The following CDH13 variants were observed in gnomAD, a reference collection of about 807,000 sequenced individuals.
CDH13 encodes the protein cadherin-13.
A neutral mutation model predicts 63.8 loss-of-function variants in CDH13; 24 were observed. The ratio of observed to expected loss-of-function variants is 0.38; its 90% CI spans 0.27 to 0.53. The LOEUF (loss-of-function observed/expected upper bound fraction) is 0.53. CDH13 is among the 20% of genes least tolerant of loss of function. The probability of loss-of-function intolerance (pLI) is 0.85; values close to 1 mark genes in which losing one functional copy is unlikely to be tolerated. For synonymous variants in CDH13, 503 were observed against 355.3 expected (o/e 1.42, Z -4.67); for missense variants, 1,049 against 903.1 (o/e 1.16, Z -2.07).
At chr16:83,709,065 A>T (rs377599793) in intron 10 of CDH13, among the ~76,000 whole-genome samples, 57 of 152,316 alleles carry the variant, frequency 3.7e-4, no homozygotes, top group African/African-American at 1.3e-3. Context: ...TAAAAAATTA[A>T]AATGGAGGCA....
At chr16:83,524,950 A>G (rs569938158) in intron 7 of CDH13, among the ~76,000 whole-genome samples, 2 of 152,322 alleles carry the variant, frequency 1.3e-5, no homozygotes, top group Admixed American at 6.5e-5. Flanking sequence ...AGGTCAGTAG[A>G]CCAATGATTT....
chr16:83,133,767 G>T (rs1443919246), intron 4 of CDH13, among the ~76,000 whole-genome samples: 1 of 152,126 alleles, frequency 6.6e-6, no homozygotes, highest in Non-Finnish European at 1.5e-5. Flanking sequence ...CCAAAGTGCT[G>T]GGATTACAGG....
chr16:83,351,725 T>A lies in CDH13; in HGVS notation c.781+6719T>A, dbSNP rs79156519. On this transcript the variant is annotated intron_variant, in intron 6 of 13. Coordinates refer to ENST00000567109, the MANE Select transcript of CDH13 (RefSeq NM_001257.5). ...TGTTTGTGACAATTTCTATAGGATA[T>A]ATTTACATGAGCTGGATTAATGGGA... Among the ~76,000 whole-genome samples, 5 of 152,348 alleles carry A rather than the reference T, an allele frequency of 3.3e-5. No homozygotes were observed. In the East Asian group the frequency reaches 9.6e-4, roughly 29 times the overall value.
intron 1 of CDH13, chr16:82,825,193 C>A (rs897673778): frequency 1.3e-5 from 2 of 152,180 alleles, no homozygotes; most frequent in East Asian, 1.9e-4. Flanking sequence ...GAACTTTCTT[C>A]TTTTTCCAAG....
intron 2 of CDH13, among the ~76,000 whole-genome samples, chr16:83,030,047 C>T (rs563679545): frequency 6.6e-6 from 1 of 152,106 alleles, no homozygotes; most frequent in African/African-American, 2.4e-5. Context: ...GCAGAATCAC[C>T]ATTGAGGGGA....
At chr16:83,081,707 AAG>A (rs538993379) in intron 3 of CDH13, among the ~76,000 whole-genome samples, 1 of 150,654 alleles carries the variant, frequency 6.6e-6, no homozygotes, top group South Asian at 2.1e-4. Flanking sequence ...GAGAGAGAGA[AAG>A]AGAGAGAGAG....
chr16:83,130,818 A>G (rs1597387766), intron 4 of CDH13, among the ~76,000 whole-genome samples: 1 of 152,152 alleles, frequency 6.6e-6, no homozygotes, highest in African/African-American at 2.4e-5. Flanking sequence ...TTTTGGTCAT[A>G]TTTTATTACA....
intron 11 of CDH13, among the ~76,000 whole-genome samples, chr16:83,775,736 AAAAG>A (rs1228593095): frequency 2.0e-5 from 3 of 152,096 alleles, no homozygotes; most frequent in Non-Finnish European, 2.9e-5. Context: ...AAAAAAAGAA[AAAAG>A]AAAGAAGTAA....
At chr16:82,731,003 A>G (rs10438615) in intron 1 of CDH13, among the ~76,000 whole-genome samples, 53,133 of 151,868 alleles carry the variant, frequency 0.35, 9,852 homozygotes, top group South Asian at 0.47. Flanking sequence ...ATTTAGTCCT[A>G]TTATTTATGT....
At chr16:83,568,775 C>T (rs1407020421) in intron 7 of CDH13, among the ~76,000 whole-genome samples, 1 of 152,158 alleles carries the variant, frequency 6.6e-6, no homozygotes, top group African/African-American at 2.4e-5. Flanking sequence ...CTCCCTCAGT[C>T]CCAGTTCCTC....
chr16:82,861,898 C>G (rs1004001917), intron 2 of CDH13, among the ~76,000 whole-genome samples: 4 of 152,212 alleles, frequency 2.6e-5, no homozygotes, highest in Non-Finnish European at 5.9e-5. Flanking sequence ...GCTCCCAACT[C>G]AGGGAAACTT....
intron 4 of CDH13, among the ~76,000 whole-genome samples, chr16:83,160,691 G>T (rs529664506): frequency 2.0e-4 from 31 of 152,250 alleles, no homozygotes; most frequent in African/African-American, 7.2e-4. Context: ...GAAAAGAGGG[G>T]TGATATTTTA....
intron 1 of CDH13, among the ~76,000 whole-genome samples, chr16:82,709,306 T>A (rs1249643973): frequency 6.6e-6 from 1 of 152,210 alleles, no homozygotes; most frequent in Non-Finnish European, 1.5e-5. Flanking sequence ...ACTTGCAATT[T>A]TTTTCTGTTT....
intron 4 of CDH13, among the ~76,000 whole-genome samples, chr16:83,191,530 C>CATATAT (rs71376303): frequency 6.3e-4 from 47 of 74,364 alleles, no homozygotes; most frequent in East Asian, 1.9e-3. Flanking sequence ...CACACACACA[C>CATATAT]ATATATATAT....
intron 6 of CDH13, among the ~76,000 whole-genome samples, chr16:83,395,993 T>A (rs939282033): frequency 6.6e-6 from 1 of 152,180 alleles, no homozygotes; most frequent in Non-Finnish European, 1.5e-5. Flanking sequence ...CCCCTCTATA[T>A]GTCCACGTGT....
At chr16:82,890,912 A>G (rs1182578448) in intron 2 of CDH13, among the ~76,000 whole-genome samples, 1 of 152,116 alleles carries the variant, frequency 6.6e-6, no homozygotes, top group Non-Finnish European at 1.5e-5. Context: ...GCAGCCTCCC[A>G]AAGTGCTGGG....
intron 5 of CDH13, among the ~76,000 whole-genome samples, chr16:83,250,481 G>C (rs1319186540): frequency 2.0e-5 from 3 of 152,196 alleles, no homozygotes; most frequent in African/African-American, 7.2e-5. Flanking sequence ...GAAGTATGCA[G>C]TCAGAGGCTC....
chr16:82,717,702 C>T (rs1455075916), intron 1 of CDH13, among the ~76,000 whole-genome samples: 3 of 152,182 alleles, frequency 2.0e-5, no homozygotes, highest in Non-Finnish European at 2.9e-5. Context: ...TATTTAGTGG[C>T]TACCCAGATA....
chr16:83,308,360 T>C (rs1012017287), intron 5 of CDH13, among the ~76,000 whole-genome samples: 11 of 152,176 alleles, frequency 7.2e-5, no homozygotes, highest in Non-Finnish European at 1.5e-4. Context: ...ATATAAATGA[T>C]GAGGCTAAAC....
Sources: gnomAD v4.1 joint callset for allele counts (sites outside exome capture counted in the v4.1 genomes callset) on GRCh38, gnomAD v4.1.1 for gene constraint, MANE v1.5 for transcripts, NCBI Gene and HGNC (gene_info 2026-07-23, HGNC 2026-07-21) for gene names.